RARB: variants seen among roughly 807,000 people sequenced by gnomAD.
RARB encodes the protein retinoic acid receptor beta.
RARB carries 17 observed loss-of-function variants against 51.9 expected under a neutral mutation model. The ratio of observed to expected loss-of-function variants is 0.33; its 90% confidence interval spans 0.22 to 0.49. The LOEUF (loss-of-function observed/expected upper bound fraction) is 0.49. Ranked by LOEUF, RARB falls within the 20% of genes least tolerant of loss-of-function variation. The pLI is 0.99. For missense variants in RARB, 369 were observed against 550.8 expected (o/e 0.67, Z 3.30); for synonymous variants, 215 against 195.4 (o/e 1.10, Z -0.84).
chr3:25,197,918 A>C (rs575062331), intron 5 of RARB, among the ~76,000 whole-genome samples: 4 of 152,202 alleles, frequency 2.6e-5, no homozygotes, highest in Admixed American at 2.6e-4. Context: ...TCTTCACAGA[A>C]ATAGAAAAAA....
At chr3:25,510,089 T>G (rs1697813389) in intron 3 of RARB, among the ~76,000 whole-genome samples, 1 of 152,314 alleles carries the variant, frequency 6.6e-6, no homozygotes, top group East Asian at 1.9e-4. Flanking sequence ...GCCCCAAGAC[T>G]TCAGGTTATC....
At chr3:25,568,727 G>A (rs560133197) in intron 3 of RARB, among the ~76,000 whole-genome samples, 50 of 152,346 alleles carry the variant, frequency 3.3e-4, no homozygotes, top group African/African-American at 1.1e-3. Context: ...TCATTTTGCA[G>A]TGCAGATTCC....
intron 3 of RARB, among the ~76,000 whole-genome samples, chr3:25,514,490 G>A (rs533805436): frequency 2.0e-5 from 3 of 151,246 alleles, no homozygotes; most frequent in Non-Finnish European, 2.9e-5. Flanking sequence ...TTTACCAAGC[G>A]TAAAATACCT....
chr3:25,446,595 A>G (rs1708943357), intron 1 of RARB, among the ~76,000 whole-genome samples: 1 of 152,092 alleles, frequency 6.6e-6, no homozygotes, highest in Admixed American at 6.5e-5. Context: ...AGAGGTCAGG[A>G]GATTGAGACC....
chr3:25,381,769 T>C (rs1343396040), intron 5 of RARB, among the ~76,000 whole-genome samples: 1 of 152,202 alleles, frequency 6.6e-6, no homozygotes, highest in Non-Finnish European at 1.5e-5. Context: ...AGGCCCTATC[T>C]CTGCCCTACC....
At chr3:25,217,184 A>T (rs1701853261) in intron 5 of RARB, among the ~76,000 whole-genome samples, 1 of 152,168 alleles carries the variant, frequency 6.6e-6, no homozygotes. Context: ...CCTCTCATCT[A>T]CAATTTGGTT....
intron 4 of RARB, among the ~76,000 whole-genome samples, chr3:25,151,359 C>G (rs117402963): frequency 6.6e-6 from 1 of 152,304 alleles, no homozygotes; most frequent in East Asian, 1.9e-4. Context: ...AAATTTTGTT[C>G]TCTCTTTTCT....
At chr3:25,176,483 C>T (rs1337426392) in intron 5 of RARB, among the ~76,000 whole-genome samples, 1 of 150,920 alleles carries the variant, frequency 6.6e-6, no homozygotes, top group Non-Finnish European at 1.5e-5. Context: ...GCAACCTCCA[C>T]CTCCCGGTTT....
intron 2 of RARB, among the ~76,000 whole-genome samples, chr3:25,003,771 A>T (rs574014913): frequency 1.3e-5 from 2 of 152,262 alleles, no homozygotes; most frequent in South Asian, 4.1e-4. Context: ...CCTGGAGGTG[A>T]TATGAACAGA....
chr3:25,103,177 G>T (rs529874826), intron 3 of RARB, among the ~76,000 whole-genome samples: 42 of 152,262 alleles, frequency 2.8e-4, no homozygotes, highest in African/African-American at 9.1e-4. Context: ...GTTCTGCATT[G>T]CTTTCTTTGG....
At chr3:25,154,108 C>G (rs1430728152) in intron 4 of RARB, among the ~76,000 whole-genome samples, 1 of 152,142 alleles carries the variant, frequency 6.6e-6, no homozygotes, top group Non-Finnish European at 1.5e-5. Context: ...TTTTAAGAAG[C>G]CAGCTATGTT....
intron 3 of RARB, among the ~76,000 whole-genome samples, chr3:25,130,676 G>A (rs1457107369): frequency 6.6e-6 from 1 of 151,764 alleles, no homozygotes; most frequent in East Asian, 1.9e-4. Flanking sequence ...ATTCAACCCT[G>A]AGCATTGTGT....
intron 2 of RARB, among the ~76,000 whole-genome samples, chr3:24,961,184 A>G (rs1346106680): frequency 6.6e-6 from 1 of 152,250 alleles, no homozygotes; most frequent in South Asian, 2.1e-4. Context: ...TGCAAATTTT[A>G]GTTGAGACAC....
chr3:25,537,477 C>T (rs946344630), intron 3 of RARB, among the ~76,000 whole-genome samples: 1 of 152,182 alleles, frequency 6.6e-6, no homozygotes, highest in Non-Finnish European at 1.5e-5. Flanking sequence ...ATACTATGCA[C>T]TGACTCATTC....
intron 4 of RARB, among the ~76,000 whole-genome samples, chr3:25,141,508 T>C (rs1700106502): frequency 6.6e-6 from 1 of 152,128 alleles, no homozygotes; most frequent in Admixed American, 6.6e-5. Flanking sequence ...CATGGAAATC[T>C]TGCCTCCCAT....
chr3:25,209,397 A>G (rs922966197), intron 5 of RARB, among the ~76,000 whole-genome samples: 7 of 152,216 alleles, frequency 4.6e-5, no homozygotes, highest in African/African-American at 1.7e-4. Flanking sequence ...TCTCTTTCAG[A>G]AGCATATATA....
intron 3 of RARB, among the ~76,000 whole-genome samples, chr3:25,067,110 T>C (rs1698678808): frequency 6.6e-6 from 1 of 151,816 alleles, no homozygotes; most frequent in Non-Finnish European, 1.5e-5. Flanking sequence ...TGAGAAGGGC[T>C]CCAGAAAAGG....
chr3:25,135,183 G>A (rs918095921), intron 4 of RARB, among the ~76,000 whole-genome samples: 1 of 151,820 alleles, frequency 6.6e-6, no homozygotes, highest in Non-Finnish European at 1.5e-5. Context: ...GTAGCCACTA[G>A]CCAGGTGTGG....
At position 25,065,782 on chromosome 3, in the gene RARB, G is replaced by A. The variant is rs1281553514; in HGVS notation, c.-328+5606G>A. Among the ~76,000 whole-genome samples the A allele has an allele frequency of 2.0e-5, 3 of 152,052 alleles. 1 individual carries two copies. In the East Asian group the frequency reaches 5.8e-4, roughly 29 times the overall value. On this transcript the variant is annotated intron_variant, in intron 3 of 11. Transcript: ENST00000383772. ...ACACACATGAAGAATGATGTCAAAGGGCTCACGCATAGAAGGAAGGCAATG... is the reference window on the plus strand; with the variant it reads ...ACACACATGAAGAATGATGTCAAAGAGCTCACGCATAGAAGGAAGGCAATG...
Sources: gnomAD v4.1 joint callset for allele counts (sites outside exome capture counted in the v4.1 genomes callset) on GRCh38, gnomAD v4.1.1 for gene constraint, MANE v1.5 for transcripts, NCBI Gene and HGNC (gene_info 2026-07-23, HGNC 2026-07-21) for gene names.